Variants in ABHD14B observed in about 807,000 individuals in gnomAD.
The protein encoded by ABHD14B is abhydrolase domain containing 14B, also known as putative protein-lysine deacylase ABHD14B.
In ABHD14B, 19 loss-of-function variants were observed where a neutral mutation model predicts 15.4. That is an observed-to-expected ratio of 1.23 (90% CI 0.86 to 1.81). The LOEUF is 1.81. Among genes scored for constraint, ABHD14B ranks in the 40% most tolerant of loss-of-function variants. The pLI is 0.00. For missense variants in ABHD14B, 243 were observed against 267.0 expected (o/e 0.91, Z 0.63); for synonymous variants, 92 against 117.3 (o/e 0.78, Z 1.39).
At chr3:51,971,113 C>G (rs966683093) in intron 2 of ABHD14B, among the ~76,000 whole-genome samples, 1 of 152,260 alleles carries the variant, frequency 6.6e-6, no homozygotes, top group Non-Finnish European at 1.5e-5. Flanking sequence ...TAGCCACATA[C>G]TCACATGGAT....
chr3:51,970,269 T>G (rs2106797052), intron 2 of ABHD14B, 85 bp from the exon 3 acceptor site: 2 of 1,505,142 alleles, frequency 1.3e-6, no homozygotes, highest in Non-Finnish European at 1.8e-6. Context: ...CAGGAAGCCC[T>G]CCTAGGTCAG....
At chr3:51,973,026 C>T (rs1455746081) in intron 1 of ABHD14B, among the ~76,000 whole-genome samples, 1 of 150,644 alleles carries the variant, frequency 6.6e-6, no homozygotes, top group Non-Finnish European at 1.5e-5. Flanking sequence ...TACAGGCGTG[C>T]GTCACCATGC....
At position 51,970,056 on chromosome 3, in the gene ABHD14B, C is replaced by A; in HGVS notation, c.340G>T (p.Gly114Cys). The A allele has an allele frequency of 2.5e-6, 4 of 1,613,860 alleles. No homozygotes were observed. The highest frequency in any genetic ancestry group is 8.5e-7 in the Non-Finnish European group (1 of 1,179,852). Residue 114 changes from glycine to cysteine, a missense_variant, in exon 3 of 4, where the codon GGC becomes TGC. Physicochemically the swap from Gly to Cys is radical, Grantham distance 159. Coordinates refer to ENST00000361143, the MANE Select transcript of ABHD14B (RefSeq NM_001146314.2). ...PPVVISPSLS[G>C]MYSLPFLTAP... ...GTGAGGAAGGGCAGGGAGTACATGC[C>A]ACTCAGTGATGGACTGATCACAACC... is the stretch of plus-strand genomic sequence containing the variant.
Position 51,971,452 on chromosome 3 carries a change from T to C in ABHD14B, c.211+8A>G, listed in dbSNP as rs761712101. The stretch of plus-strand genomic sequence containing the variant: ...CAAACCCTGCCCAGAAGCCTGCCCC[T>C]TAAGTACCTGGCAGGTCAATGGCCA... On this transcript the variant is annotated splice_region_variant and intron_variant, in intron 2 of 3. Coordinates refer to ENST00000361143, the MANE Select transcript of ABHD14B (RefSeq NM_001146314.2). 1 of 1,562,344 alleles carries C rather than the reference T, an allele frequency of 6.4e-7. No individual in the cohort carries two copies. Among genetic ancestry groups the C allele is most frequent in the Non-Finnish European group, 8.7e-7 (1 of 1,151,096 alleles).
At chr3:51,972,372 T>C (rs1700674494) in intron 1 of ABHD14B, among the ~76,000 whole-genome samples, 6 of 150,306 alleles carry the variant, frequency 4.0e-5, no homozygotes. Context: ...GAGTTCGAGA[T>C]CTCCCTGATG....
chr3:51,974,129 T>G (rs371870956), upstream of ABHD14B: 5 of 1,058,124 alleles, frequency 4.7e-6, no homozygotes, highest in African/African-American at 3.3e-5. Flanking sequence ...GCAGCGTCCA[T>G]AGACTCCGCT....
chr3:51,969,596 G>C lies in ABHD14B; in HGVS notation c.463C>G (p.Leu155Val), dbSNP rs376141949. The stretch of plus-strand genomic sequence containing the variant: ...GGGTCCTGGTCTCCATATACAATCA[G>C]AGCTGGAGTCTGAGAGGAAGGATAG... The part of the protein sequence containing the change: ...ANYASVKTPA[L>V]IVYGDQDPMG... The change falls in exon 4 of 4, where the codon CTG becomes GTG. Residue 155 changes from leucine to valine, a missense_variant. Transcript: ENST00000361143. The C allele has an allele frequency of 2.9e-5, 47 of 1,612,324 alleles. No individual in the cohort carries two copies. Among genetic ancestry groups the C allele is most frequent in the Non-Finnish European group, 3.8e-5 (45 of 1,179,342 alleles).
intron 1 of ABHD14B, chr3:51,973,710 C>G: frequency 1.2e-5 from 7 of 581,894 alleles, no homozygotes; most frequent in South Asian, 9.9e-5. Context: ...ACCGAAGCGC[C>G]CAGTGGGAAA....
chr3:51,972,336 G>A (rs778403914), intron 1 of ABHD14B, among the ~76,000 whole-genome samples: 17 of 151,132 alleles, frequency 1.1e-4, no homozygotes, highest in Non-Finnish European at 1.8e-4. Context: ...TTGGGAGGCC[G>A]AGGCGGGCGG....
intron 1 of ABHD14B, among the ~76,000 whole-genome samples, chr3:51,973,509 T>TTTTTTTTTTTC (rs1392760942): frequency 7.1e-6 from 1 of 141,766 alleles, no homozygotes; most frequent in African/African-American, 3.1e-5. Flanking sequence ...TCTTCGGTTT[T>TTTTTTTTTTTC]TTTTTTTTTC....
chr3:51,970,249 T>C (rs965179126), intron 2 of ABHD14B, 65 bp from the exon 3 acceptor site: 6 of 1,513,714 alleles, frequency 4.0e-6, no homozygotes, highest in Admixed American at 2.3e-5. Flanking sequence ...AGGGAGATGG[T>C]TGCTCTCTCC....
At position 51,969,537 on chromosome 3, in the gene ABHD14B, C is replaced by T. The variant is rs1483988716; in HGVS notation, c.522G>A (p.Gln174=). 4 of 1,613,798 alleles carry T rather than the reference C, an allele frequency of 2.5e-6. No homozygotes were observed. In the African/African-American group the frequency reaches 5.3e-5, roughly 22 times the overall value. Residue 174 remains glutamine (Q), a synonymous_variant, in exon 4 of 4, where the codon CAG becomes CAA. Transcript: ENST00000361143. The part of the protein sequence containing the change: ...MGQTSFEHLK[Q]LPNHRVLIMK... ...TGATCAGCACCCGGTGGTTGGGCAG[C>T]TGCTTCAGGTGCTCAAAGCTGGTCT...
At position 51,970,042 on chromosome 3, in the gene ABHD14B, C is replaced by T. The variant is rs770396612; in HGVS notation, c.354G>A (p.Leu118=). The change falls in exon 3 of 4, where the codon CTG becomes CTA. Residue 118 remains leucine, a synonymous_variant. Transcript: ENST00000361143. ...GGGAGCCAGGGGCCGTGAGGAAGGGCAGGGAGTACATGCCACTCAGTGATG... is the reference window on the plus strand; with the variant it reads ...GGGAGCCAGGGGCCGTGAGGAAGGGTAGGGAGTACATGCCACTCAGTGATG... The part of the protein sequence containing the change: ...ISPSLSGMYS[L]PFLTAPGSQL... 1.2e-6 allele frequency: 2 copies of T among 1,613,896 alleles called. No individual in the cohort carries two copies. Among genetic ancestry groups the T allele is most frequent in the African/African-American group, 2.7e-5 (2 of 74,930 alleles).
intron 2 of ABHD14B, chr3:51,970,546 G>C: frequency 1.9e-6 from 1 of 520,208 alleles, no homozygotes; most frequent in Non-Finnish European, 3.7e-6. Flanking sequence ...CTGTTAAAGG[G>C]GGATAACAAA....
chr3:51,970,030 C>G lies in ABHD14B; in HGVS notation c.366G>C (p.Thr122=). 6.2e-7 allele frequency: 1 copy of G among 1,614,058 alleles called. No homozygotes were observed. The highest frequency in any genetic ancestry group is 8.5e-7 in the Non-Finnish European group (1 of 1,180,000). Residue 122 remains threonine, a synonymous_variant, in exon 3 of 4, where the codon ACG becomes ACC. Coordinates refer to ENST00000361143, the MANE Select transcript of ABHD14B (RefSeq NM_001146314.2). ...AGCCCGGGAGCTGGGAGCCAGGGGC[C>G]GTGAGGAAGGGCAGGGAGTACATGC... The part of the protein sequence containing the change: ...LSGMYSLPFL[T]APGSQLPGFV...
chr3:51,969,437 C>T lies in ABHD14B; in HGVS notation c.622G>A (p.Gly208Arg). The change falls in exon 4 of 4, where the codon GGG becomes AGG. Residue 208 changes from glycine (G) to arginine (R), a missense_variant. Gly to Arg is a moderately radical substitution (Grantham distance 125). Transcript: ENST00000361143. ...AGCAGTGCTGGGCTTCACTGGAGCC[C>T]CTGCAGGAAGTCCAGCAGCCCTGTA... ...WHTGLLDFLQ[G>R]LQ 6.2e-7 allele frequency: 1 copy of T among 1,611,772 alleles called. No homozygotes were observed. Among genetic ancestry groups the T allele is most frequent in the Non-Finnish European group, 8.5e-7 (1 of 1,179,022 alleles).
At chr3:51,969,734 TG>T in intron 3 of ABHD14B, 129 bp from the exon 4 acceptor site, 1 of 1,407,470 alleles carries the variant, frequency 7.1e-7, no homozygotes, top group Non-Finnish European at 9.8e-7. Context: ...GCCCAGTGGG[TG>T]GGGGCACAGA....
chr3:51,972,066 G>GAAA (rs1180941045), intron 1 of ABHD14B, among the ~76,000 whole-genome samples: 2 of 149,476 alleles, frequency 1.3e-5, no homozygotes, highest in East Asian at 2.0e-4. Flanking sequence ...CCAACATGGT[G>GAAA]GAACCCCGTC....
At chr3:51,969,823 G>T in intron 3 of ABHD14B, 120 bp downstream of exon 3, 2 of 1,562,528 alleles carry the variant, frequency 1.3e-6, no homozygotes, top group Non-Finnish European at 8.8e-7. Context: ...GGGTGGAGTT[G>T]GGTGGTCAGC....
Sources: gnomAD v4.1 joint callset for allele counts (sites outside exome capture counted in the v4.1 genomes callset) on GRCh38, gnomAD v4.1.1 for gene constraint, MANE v1.5 for transcripts, NCBI Gene and HGNC (gene_info 2026-07-23, HGNC 2026-07-21) for gene names.